Variants in AFG1L observed in about 807,000 individuals in gnomAD.
AFG1L encodes the protein AFG1-like ATPase.
Under a neutral mutation model 62.2 loss-of-function variants are expected in AFG1L, and 53 were observed. The ratio of observed to expected loss-of-function variants is 0.85; its 90% CI spans 0.68 to 1.07. The LOEUF is 1.07. Ranked by LOEUF, AFG1L falls within the 50% of genes least tolerant of loss-of-function variation. AFG1L has a pLI of 0.00. For missense variants in AFG1L, 555 were observed against 590.5 expected, an observed-to-expected ratio of 0.94 and a Z score of 0.62; for synonymous variants, 228 against 210.3, an observed-to-expected ratio of 1.08 and a Z score of -0.73.
At chr6:108,456,387 T>C (rs2114770497) in intron 8 of AFG1L, among the ~76,000 whole-genome samples, 1 of 152,304 alleles carries the variant, frequency 6.6e-6, no homozygotes, top group South Asian at 2.1e-4. Context: ...TGACAATCTT[T>C]TTCTTTTAAT....
At chr6:108,320,152 A>G (rs1212555047) in intron 1 of AFG1L, among the ~76,000 whole-genome samples, 1 of 152,246 alleles carries the variant, frequency 6.6e-6, no homozygotes, top group Non-Finnish European at 1.5e-5. Context: ...TAGTAAGATC[A>G]GCCCTGGAGT....
chr6:108,295,202 G>C lies in AFG1L; in HGVS notation c.123G>C (p.Gly41=), dbSNP rs970665574. 1.9e-6 allele frequency: 3 copies of C among 1,604,882 alleles called. No homozygotes were observed. The highest frequency in any genetic ancestry group is 2.5e-6 in the Non-Finnish European group (3 of 1,179,796). The part of the protein sequence containing the change: ...AALAPLATAP[G]KPFWKAYTVQ... ...TCGCTCCTCTGGCCACCGCCCCTGGGAAGCCCTTTTGGAAAGGTCAGTGAC... is the reference window on the plus strand; with the variant it reads ...TCGCTCCTCTGGCCACCGCCCCTGGCAAGCCCTTTTGGAAAGGTCAGTGAC... The change falls in exon 1 of 13, where the codon GGG becomes GGC. Residue 41 remains glycine, a synonymous_variant. Coordinates refer to ENST00000368977, the MANE Select transcript of AFG1L (RefSeq NM_145315.5).
rs567432315 is a variant in AFG1L, at chr6:108,328,268, T to C, written c.363+4220T>C. Among the ~76,000 whole-genome samples the C allele has an allele frequency of 1.2e-4, 18 of 152,386 alleles. No homozygotes were observed. In the East Asian group the frequency reaches 3.3e-3, roughly 28 times the overall value. ...TCCAAGTAAAATAACAATTTGGTTA[T>C]GTGGCCTAGCCAGGAAACAACATGT... On this transcript the variant is annotated intron_variant, in intron 2 of 12. Coordinates refer to ENST00000368977, the MANE Select transcript of AFG1L (RefSeq NM_145315.5).
rs568720487 is a variant in AFG1L, at chr6:108,448,598, A to C, written c.890+1302A>C. On this transcript the variant is annotated intron_variant, in intron 8 of 12. Coordinates refer to ENST00000368977, the MANE Select transcript of AFG1L (RefSeq NM_145315.5). ...GTCTAAATTATAAAATTTGTTTCAT[A>C]GTGCCAAAGAGGTCTTGGAAGTTAC... is the stretch of plus-strand genomic sequence containing the variant. Among the ~76,000 whole-genome samples the C allele has an allele frequency of 3.3e-5, 5 of 152,240 alleles. No homozygotes were observed. The South Asian group carries it at 1.0e-3, about 32-fold the overall frequency.
Position 108,523,671 on chromosome 6 carries a change from A to G in AFG1L, c.*1246A>G, listed in dbSNP as rs57690622. The G allele has an allele frequency of 6.6e-6, 1 of 152,000 alleles. No homozygotes were observed. The highest frequency in any genetic ancestry group is 2.4e-5 in the African/African-American group (1 of 41,334). 9.4% of individuals were successfully genotyped at this position (152,000 alleles called of 1,614,324 possible). On this transcript the variant is annotated 3_prime_UTR_variant, in exon 13 of 13. Transcript: ENST00000368977. ...TTTTTATATCTTGGCCACTCTAGCC[A>G]TCTCCTGGCAGGGGTAGTGTGGCAC...
chr6:108,335,721 GCCAA>G (rs1472159750), intron 2 of AFG1L, among the ~76,000 whole-genome samples: 1 of 152,220 alleles, frequency 6.6e-6, no homozygotes. Context: ...ACCTAAGCTG[GCCAA>G]AAGCAGAGTA....
chr6:108,336,014 G>A (rs1447517698), intron 2 of AFG1L, among the ~76,000 whole-genome samples: 1 of 152,090 alleles, frequency 6.6e-6, no homozygotes, highest in African/African-American at 2.4e-5. Flanking sequence ...TATACTTTAG[G>A]CTGCCGAGAT....
At chr6:108,460,918 C>T (rs915585991) in intron 8 of AFG1L, among the ~76,000 whole-genome samples, 1 of 152,208 alleles carries the variant, frequency 6.6e-6, no homozygotes, top group African/African-American at 2.4e-5. Flanking sequence ...GATGGCGCCA[C>T]TGCACTCCAG....
At chr6:108,307,177 C>A (rs1437420816) in intron 1 of AFG1L, among the ~76,000 whole-genome samples, 1 of 151,866 alleles carries the variant, frequency 6.6e-6, no homozygotes, top group Non-Finnish European at 1.5e-5. Flanking sequence ...CCATGCCTGG[C>A]TAATTTTTGC....
intron 1 of AFG1L, among the ~76,000 whole-genome samples, chr6:108,298,844 ATTAT>A (rs1335499813): frequency 6.6e-6 from 1 of 152,190 alleles, no homozygotes. Context: ...AAGCTGGGTG[ATTAT>A]TTAGGAGGAA....
intron 10 of AFG1L, among the ~76,000 whole-genome samples, chr6:108,486,921 T>C (rs1314334729): frequency 6.6e-6 from 1 of 152,016 alleles, no homozygotes; most frequent in Non-Finnish European, 1.5e-5. Flanking sequence ...GCCAGGCTGG[T>C]CTTGAACTCC....
At chr6:108,472,388 C>T (rs551158355) in intron 8 of AFG1L, among the ~76,000 whole-genome samples, 4 of 152,200 alleles carry the variant, frequency 2.6e-5, no homozygotes, top group South Asian at 4.2e-4. Flanking sequence ...TCTTACCGCC[C>T]CCAACCCCTC....
At chr6:108,494,173 C>T (rs922429662) in intron 10 of AFG1L, among the ~76,000 whole-genome samples, 46 of 151,978 alleles carry the variant, frequency 3.0e-4, no homozygotes, top group Admixed American at 2.9e-3. Flanking sequence ...TCCATCCCCG[C>T]TCCCCCTGCT....
intron 8 of AFG1L, among the ~76,000 whole-genome samples, chr6:108,465,830 ATTAG>A (rs1165069592): frequency 6.6e-6 from 1 of 152,064 alleles, no homozygotes; most frequent in Non-Finnish European, 1.5e-5. Context: ...TTAATTTTTA[ATTAG>A]TTCTTTTAAT....
intron 1 of AFG1L, among the ~76,000 whole-genome samples, chr6:108,311,874 AT>A (rs573526980): frequency 2.7e-5 from 4 of 150,568 alleles, no homozygotes; most frequent in African/African-American, 9.8e-5. Context: ...ATTTTATTTT[AT>A]TTTTTTTGAG....
chr6:108,307,100 G>A (rs1258346864), intron 1 of AFG1L, among the ~76,000 whole-genome samples: 1 of 150,826 alleles, frequency 6.6e-6, no homozygotes. Context: ...TGCCATCTCC[G>A]TTTCCTGGGT....
At chr6:108,319,442 T>A (rs577953148) in intron 1 of AFG1L, among the ~76,000 whole-genome samples, 118 of 151,070 alleles carry the variant, frequency 7.8e-4, no homozygotes, top group Middle Eastern at 6.8e-3. Flanking sequence ...TAATTAAAAA[T>A]TTTTTTTTTT....
chr6:108,500,999 A>AT (rs113912600), intron 10 of AFG1L, among the ~76,000 whole-genome samples: 56 of 146,844 alleles, frequency 3.8e-4, no homozygotes, highest in South Asian at 1.7e-3. Context: ...TTTGAAGATA[A>AT]TTTTTTTTTT....
At chr6:108,402,106 C>A in intron 7 of AFG1L, 52 bp downstream of exon 7, 1 of 884,778 alleles carries the variant, frequency 1.1e-6, no homozygotes, top group Non-Finnish European at 1.7e-6. Context: ...TATTGATAAT[C>A]AAGGGCTTTA....
Sources: allele counts gnomAD v4.1 joint callset (sites outside exome capture counted in the v4.1 genomes callset), GRCh38; gene constraint gnomAD v4.1.1; transcripts MANE v1.5; gene names NCBI Gene and HGNC (gene_info 2026-07-23, HGNC 2026-07-21).